FYB1: variants seen among roughly 807,000 people sequenced by gnomAD.
FYB1 encodes the protein FYN-binding protein 1.
In FYB1, 41 loss-of-function variants were observed where a neutral mutation model predicts 94.1. That is an observed-to-expected ratio of 0.44 (90% CI 0.34 to 0.57). The LOEUF (loss-of-function observed/expected upper bound fraction) is 0.57. Among genes scored for constraint, FYB1 ranks in the 20% least tolerant of loss-of-function variants. The probability of loss-of-function intolerance (pLI) is 0.02; values close to 1 mark genes in which losing one functional copy is unlikely to be tolerated. For missense variants in FYB1, 1,050 were observed against 976.8 expected (o/e 1.07, Z -1.00); for synonymous variants, 367 against 353.2 (o/e 1.04, Z -0.44).
intron 3 of FYB1, among the ~76,000 whole-genome samples, chr5:39,148,396 T>G (rs1742957387): frequency 3.0e-5 from 3 of 98,904 alleles, no homozygotes; most frequent in Admixed American, 9.3e-5. Flanking sequence ...TTTTTTTTTT[T>G]TTTTTTTTTT....
chr5:39,142,552 C>T (rs867949704), intron 3 of FYB1, among the ~76,000 whole-genome samples: 1 of 152,110 alleles, frequency 6.6e-6, no homozygotes, highest in Admixed American at 6.6e-5. Context: ...ACTCTTTGCC[C>T]TTAAATCTCT....
At chr5:39,135,065 T>C (rs1005814144) in intron 7 of FYB1, 51 bp from the exon 8 acceptor site, 9 of 1,584,140 alleles carry the variant, frequency 5.7e-6, no homozygotes, top group Admixed American at 1.8e-5. Context: ...ATTTAGAAAA[T>C]CTTTAAGGAA....
At chr5:39,267,795 T>G (rs187644919) in intron 1 of FYB1, among the ~76,000 whole-genome samples, 1 of 152,332 alleles carries the variant, frequency 6.6e-6, no homozygotes, top group Admixed American at 6.5e-5. Flanking sequence ...ACAAGGTAAC[T>G]TGTGTTAGAA....
chr5:39,144,272 C>T (rs1057493797), intron 3 of FYB1, among the ~76,000 whole-genome samples: 11 of 152,058 alleles, frequency 7.2e-5, no homozygotes, highest in Admixed American at 2.0e-4. Context: ...ATTATTAGTT[C>T]CCGATAAAAG....
intron 3 of FYB1, among the ~76,000 whole-genome samples, chr5:39,142,115 C>T (rs1742244285): frequency 6.6e-6 from 1 of 152,110 alleles, no homozygotes; most frequent in Non-Finnish European, 1.5e-5. Flanking sequence ...AGAAAATGGC[C>T]GTCAATTTTA....
intron 1 of FYB1, among the ~76,000 whole-genome samples, chr5:39,210,038 G>T (rs1192458297): frequency 1.3e-5 from 2 of 152,238 alleles, no homozygotes; most frequent in Admixed American, 6.5e-5. Context: ...GACTCTCGCC[G>T]CAAATTAAGT....
At chr5:39,243,061 T>C (rs1187410950) in intron 1 of FYB1, among the ~76,000 whole-genome samples, 3 of 152,228 alleles carry the variant, frequency 2.0e-5, no homozygotes, top group Admixed American at 6.5e-5. Flanking sequence ...GATGAGTAGA[T>C]TGCAAATATG....
At chr5:39,206,118 T>A (rs971532378) in intron 1 of FYB1, among the ~76,000 whole-genome samples, 3 of 152,212 alleles carry the variant, frequency 2.0e-5, no homozygotes, top group African/African-American at 7.2e-5. Flanking sequence ...AATAGAGTTA[T>A]GATATTTAAG....
intron 16 of FYB1, among the ~76,000 whole-genome samples, chr5:39,117,062 C>T (rs975942148): frequency 6.6e-6 from 1 of 152,052 alleles, no homozygotes; most frequent in South Asian, 2.1e-4. Context: ...ATGACAACTA[C>T]TAGGACAATT....
intron 2 of FYB1, among the ~76,000 whole-genome samples, chr5:39,184,371 A>G (rs1417801383): frequency 6.6e-6 from 1 of 152,222 alleles, no homozygotes; most frequent in African/African-American, 2.4e-5. Flanking sequence ...CACTTATCTT[A>G]ATAAAATCAA....
chr5:39,184,173 T>G (rs772869502), intron 2 of FYB1, among the ~76,000 whole-genome samples: 4 of 152,204 alleles, frequency 2.6e-5, no homozygotes, highest in Non-Finnish European at 4.4e-5. Flanking sequence ...GTGATTATAT[T>G]ATTCCCAAAA....
intron 2 of FYB1, among the ~76,000 whole-genome samples, chr5:39,154,957 G>C (rs531189699): frequency 7.2e-5 from 11 of 151,844 alleles, no homozygotes; most frequent in African/African-American, 2.2e-4. Context: ...TCCTTTTCTT[G>C]GTTTCTAAAA....
upstream of FYB1, among the ~76,000 whole-genome samples, chr5:39,221,857 G>T (rs972160107): frequency 6.6e-6 from 1 of 151,966 alleles, no homozygotes; most frequent in East Asian, 1.9e-4. Flanking sequence ...AATTAGCTGG[G>T]CGTGGTGGTG....
chr5:39,245,987 G>C (rs1473303025), intron 1 of FYB1, among the ~76,000 whole-genome samples: 1 of 152,130 alleles, frequency 6.6e-6, no homozygotes, highest in Non-Finnish European at 1.5e-5. Context: ...AAGACAGAAG[G>C]GATGTCTACT....
chr5:39,202,951 A>G lies in FYB1; in HGVS notation c.10T>C (p.Tyr4His). The G allele has an allele frequency of 6.2e-7, 1 of 1,613,788 alleles. No individual in the cohort carries two copies. MAKYNTGGNPTEDV... is the reference protein window; with the variant it reads MAKHNTGGNPTEDV... ...TCTGTCGGGTTGCCCCCCGTGTTAT[A>G]TTTCGCCATGAGGGACTTTACATCT... The change falls in exon 2 of 19, where the codon TAT becomes CAT. Residue 4 changes from tyrosine (Y) to histidine (H), a missense_variant. Coordinates refer to ENST00000512982, the MANE Select transcript of FYB1 (RefSeq NM_001465.6).
At chr5:39,143,897 A>G (rs1253684182) in intron 3 of FYB1, among the ~76,000 whole-genome samples, 4 of 152,204 alleles carry the variant, frequency 2.6e-5, no homozygotes, top group Admixed American at 2.0e-4. Flanking sequence ...TATTTGGGTA[A>G]GTGTAAAGGC....
intron 2 of FYB1, chr5:39,170,266 G>A (rs1745129367): frequency 7.7e-7 from 1 of 1,306,786 alleles, no homozygotes; most frequent in Non-Finnish European, 1.1e-6. Flanking sequence ...GAGAGCTGTT[G>A]CAGCCCCTTG....
At chr5:39,231,328 T>C (rs1189666270) in intron 1 of FYB1, among the ~76,000 whole-genome samples, 1 of 152,140 alleles carries the variant, frequency 6.6e-6, no homozygotes, top group Non-Finnish European at 1.5e-5. Flanking sequence ...GCTTGGCACA[T>C]GGCAAGTACG....
chr5:39,272,985 T>C (rs1752704644), intron 1 of FYB1, among the ~76,000 whole-genome samples: 1 of 152,070 alleles, frequency 6.6e-6, no homozygotes, highest in Admixed American at 6.5e-5. Context: ...AAAAAAGAAG[T>C]TCCCCACCCG....
Sources: allele counts gnomAD v4.1 joint callset (sites outside exome capture counted in the v4.1 genomes callset), GRCh38; gene constraint gnomAD v4.1.1; transcripts MANE v1.5; gene names NCBI Gene and HGNC (gene_info 2026-07-23, HGNC 2026-07-21).